CRACD: variants seen among roughly 807,000 people sequenced by gnomAD.
CRACD encodes capping protein inhibiting regulator of actin dynamics.
In CRACD, 56 loss-of-function variants were observed where a neutral mutation model predicts 106.8. The ratio of observed to expected loss-of-function variants is 0.52; its 90% CI spans 0.42 to 0.66. The LOEUF is 0.66. CRACD is among the 30% of genes least tolerant of loss of function. The pLI is 0.00. For synonymous variants in CRACD, 754 were observed against 670.8 expected, an observed-to-expected ratio of 1.12 and a Z score of -1.92; for missense variants, 1,730 against 1,623.2, an observed-to-expected ratio of 1.07 and a Z score of -1.13.
At chr4:56,074,293 C>T (rs151274377) in intron 1 of CRACD, among the ~76,000 whole-genome samples, 3,677 of 152,226 alleles carry the variant, frequency 0.024, 65 homozygotes, top group Admixed American at 0.058. Flanking sequence ...ACCATTTTCA[C>T]GATATTGATT....
At chr4:56,224,076 T>C (rs34647908) in intron 2 of CRACD, among the ~76,000 whole-genome samples, 12 of 152,244 alleles carry the variant, frequency 7.9e-5, no homozygotes, top group Non-Finnish European at 1.8e-4. Flanking sequence ...TGATGAGGTC[T>C]GTAAAACATC....
At chr4:56,135,773 A>T (rs756616770) in intron 1 of CRACD, among the ~76,000 whole-genome samples, 2 of 152,216 alleles carry the variant, frequency 1.3e-5, no homozygotes, top group Non-Finnish European at 2.9e-5. Flanking sequence ...GCACATATTT[A>T]AAAAGTGCAA....
At chr4:56,251,962 A>G (rs1741079859) in intron 2 of CRACD, among the ~76,000 whole-genome samples, 1 of 152,238 alleles carries the variant, frequency 6.6e-6, no homozygotes, top group Admixed American at 6.5e-5. Flanking sequence ...ATCAGAACAT[A>G]TGTATGCATA....
chr4:56,217,575 C>A (rs552096081), intron 2 of CRACD, among the ~76,000 whole-genome samples: 1 of 152,086 alleles, frequency 6.6e-6, no homozygotes, highest in Admixed American at 6.5e-5. Flanking sequence ...GACCAAAGTT[C>A]TTCTTATGCA....
intron 2 of CRACD, among the ~76,000 whole-genome samples, chr4:56,256,731 T>G (rs1034422065): frequency 6.6e-6 from 1 of 152,234 alleles, no homozygotes; most frequent in African/African-American, 2.4e-5. Flanking sequence ...GTCCTCATTC[T>G]TGCTACATTA....
chr4:56,157,804 C>G (rs1394804414), intron 1 of CRACD, among the ~76,000 whole-genome samples: 1 of 152,184 alleles, frequency 6.6e-6, no homozygotes, highest in Admixed American at 6.5e-5. Flanking sequence ...CTTCCTGAGG[C>G]ACTGTATGCC....
chr4:56,187,818 A>G (rs1737150327), intron 2 of CRACD, among the ~76,000 whole-genome samples: 1 of 152,162 alleles, frequency 6.6e-6, no homozygotes, highest in Non-Finnish European at 1.5e-5. Flanking sequence ...CAAAGAACAA[A>G]CAGCAAGACA....
chr4:56,072,082 C>T (rs1322694857), intron 1 of CRACD, among the ~76,000 whole-genome samples: 3 of 148,110 alleles, frequency 2.0e-5, no homozygotes, highest in South Asian at 4.2e-4. Flanking sequence ...GAGCCGAGAT[C>T]GCGCCACTGC....
intron 3 of CRACD, among the ~76,000 whole-genome samples, chr4:56,273,131 T>C (rs187426752): frequency 2.0e-5 from 3 of 152,184 alleles, no homozygotes; most frequent in Non-Finnish European, 2.9e-5. Context: ...TGTGTTTCCT[T>C]ATGCCATTGC....
At chr4:56,277,248 C>G (rs747182022) in intron 3 of CRACD, among the ~76,000 whole-genome samples, 3 of 152,074 alleles carry the variant, frequency 2.0e-5, no homozygotes, top group Non-Finnish European at 4.4e-5. Flanking sequence ...TAAGAAAAAA[C>G]TAGTAGCCTG....
chr4:56,070,212 T>C (rs1288893081), intron 1 of CRACD, among the ~76,000 whole-genome samples: 1 of 151,854 alleles, frequency 6.6e-6, no homozygotes, highest in Admixed American at 6.6e-5. Flanking sequence ...GCTCCGTCCC[T>C]CTCCTCTCCT....
intron 2 of CRACD, among the ~76,000 whole-genome samples, chr4:56,188,711 C>CACACACAGAGAGAGAG (rs1446016845): frequency 3.8e-4 from 43 of 113,154 alleles, no homozygotes; most frequent in African/African-American, 1.5e-3. Flanking sequence ...CACACACACA[C>CACACACAGAGAGAGAG]AGAGAGAGAG....
intron 1 of CRACD, among the ~76,000 whole-genome samples, chr4:56,154,673 C>T (rs1159832990): frequency 6.6e-6 from 1 of 152,114 alleles, no homozygotes; most frequent in African/African-American, 2.4e-5. Context: ...TCACAAGAGT[C>T]CTTTGAAAGC....
At position 56,330,280 on chromosome 4, in the gene CRACD, A is replaced by G. The variant is rs983970086; in HGVS notation, c.*2476A>G. On this transcript the variant is annotated 3_prime_UTR_variant, in exon 11 of 11. Coordinates refer to ENST00000682029, the MANE Select transcript of CRACD (RefSeq NM_001393381.1). ...TGTTCATAGACTTATATATAAAACTAGAGGGTTTTTTGTTTACTTTTTTAA... is the reference window on the plus strand; with the variant it reads ...TGTTCATAGACTTATATATAAAACTGGAGGGTTTTTTGTTTACTTTTTTAA... Among the ~76,000 whole-genome samples, 1 of 151,986 alleles carries G rather than the reference A, an allele frequency of 6.6e-6. No homozygotes were observed.
intron 2 of CRACD, among the ~76,000 whole-genome samples, chr4:56,233,137 T>A (rs1739745380): frequency 6.7e-6 from 1 of 149,290 alleles, no homozygotes; most frequent in African/African-American, 2.5e-5. Context: ...TATTTACTTA[T>A]ATTAAGTTGC....
intron 1 of CRACD, among the ~76,000 whole-genome samples, chr4:56,153,408 G>A (rs1182072163): frequency 6.6e-6 from 1 of 151,958 alleles, no homozygotes; most frequent in Non-Finnish European, 1.5e-5. Flanking sequence ...TATTCTTTGC[G>A]GTCTTCTCCA....
At chr4:56,257,805 C>T (rs1315676804) in intron 2 of CRACD, among the ~76,000 whole-genome samples, 1 of 152,126 alleles carries the variant, frequency 6.6e-6, no homozygotes, top group Non-Finnish European at 1.5e-5. Context: ...GCCATGGTGG[C>T]TCACGCCTGT....
intron 1 of CRACD, among the ~76,000 whole-genome samples, chr4:56,125,412 A>C (rs1228248452): frequency 6.6e-6 from 1 of 151,966 alleles, no homozygotes; most frequent in Non-Finnish European, 1.5e-5. Context: ...TTTTATTAAA[A>C]ACAATTTTTT....
intron 2 of CRACD, among the ~76,000 whole-genome samples, chr4:56,198,742 A>G (rs969429527): frequency 2.6e-5 from 4 of 152,180 alleles, no homozygotes; most frequent in African/African-American, 4.8e-5. Flanking sequence ...AAGTAAACAA[A>G]AAAAAGACAA....
Sources: gnomAD v4.1 joint callset for allele counts (sites outside exome capture counted in the v4.1 genomes callset) on GRCh38, gnomAD v4.1.1 for gene constraint, MANE v1.5 for transcripts, NCBI Gene and HGNC (gene_info 2026-07-23, HGNC 2026-07-21) for gene names.